MARK1: variants seen among roughly 807,000 people sequenced by gnomAD.
The protein encoded by MARK1 is microtubule affinity regulating kinase 1.
A neutral mutation model predicts 96.3 loss-of-function variants in MARK1; 40 were observed. That is an observed-to-expected ratio of 0.42 (90% confidence interval 0.32 to 0.54). The LOEUF (loss-of-function observed/expected upper bound fraction) is 0.54, where lower values mean the gene tolerates loss of function less well. MARK1 is among the 20% of genes least tolerant of loss of function. The pLI, the probability that MARK1 is intolerant of heterozygous loss-of-function variation, is 0.16. For missense variants in MARK1, 719 were observed against 984.6 expected (o/e 0.73, Z 3.61); for synonymous variants, 317 against 341.2 (o/e 0.93, Z 0.78).
chr1:220,557,768 A>G (rs1207427453), intron 1 of MARK1, among the ~76,000 whole-genome samples: 1 of 152,120 alleles, frequency 6.6e-6, no homozygotes, highest in African/African-American at 2.4e-5. Context: ...AAAACTGCCA[A>G]AAAAGAGCAA....
Position 220,544,617 on chromosome 1 carries a change from T to C in MARK1, c.51+15744T>C, listed in dbSNP as rs1460198019. Among the ~76,000 whole-genome samples, 3 of 152,212 alleles carry C rather than the reference T, an allele frequency of 2.0e-5. No homozygotes were observed. In the East Asian group the frequency reaches 5.8e-4, roughly 29 times the overall value. On this transcript the variant is annotated intron_variant, in intron 1 of 17. Coordinates refer to ENST00000366917, the MANE Select transcript of MARK1 (RefSeq NM_018650.5). Reference sequence around the variant, plus strand: ...TTACTCAGTCTGCCGTATTCTGTTATAGCAACGGAAAAGAGATTAAGACAG... The same window carrying C: ...TTACTCAGTCTGCCGTATTCTGTTACAGCAACGGAAAAGAGATTAAGACAG...
chr1:220,595,040 T>C (rs1362215060), intron 3 of MARK1, among the ~76,000 whole-genome samples: 2 of 152,210 alleles, frequency 1.3e-5, no homozygotes, highest in Non-Finnish European at 2.9e-5. Flanking sequence ...CCATCGATTA[T>C]AACAAATGTA....
intron 6 of MARK1, among the ~76,000 whole-genome samples, chr1:220,613,020 A>G (rs886316923): frequency 1.3e-5 from 2 of 152,194 alleles, no homozygotes; most frequent in African/African-American, 2.4e-5. Flanking sequence ...CTCCACCTCA[A>G]TGGAAAACAC....
chr1:220,528,469 A>G lies in MARK1; in HGVS notation c.-354A>G, dbSNP rs940385478. 6.9e-5 allele frequency: 21 copies of G among 303,970 alleles called. No homozygotes were observed. Among genetic ancestry groups the G allele is most frequent in the Non-Finnish European group, 7.9e-5 (13 of 164,950 alleles). The allele number at this position is 303,970 out of a possible 1,614,324, so 18.8% of individuals were successfully genotyped here. A position where few individuals can be genotyped will look rare whatever the true frequency, so the allele number is the denominator to read the frequency against. On this transcript the variant is annotated 5_prime_UTR_variant, in exon 1 of 18. It removes an upstream start codon present in the reference 5' UTR. Coordinates refer to ENST00000366917, the MANE Select transcript of MARK1 (RefSeq NM_018650.5). ...TGAGGCACCGGCTTCACCTTCACCC[A>G]TGGTCCGGAGAGCCTAGCGGGGCTC...
At position 220,657,906 on chromosome 1, in the gene MARK1, C is replaced by T; in HGVS notation, c.2033+72C>T. 1.8e-6 allele frequency: 2 copies of T among 1,125,440 alleles called. 1 individual carries two copies. The highest frequency in any genetic ancestry group is 4.1e-4 in the Middle Eastern group (2 of 4,852). The allele number at this position is 1,125,440 out of a possible 1,614,324, so 69.7% of individuals were successfully genotyped here. A position where few individuals can be genotyped will look rare whatever the true frequency, so the allele number is the denominator to read the frequency against. The stretch of plus-strand genomic sequence containing the variant: ...AAACGTACTTTTGAAATACTTACAG[C>T]ACTTAATGATCATGAATAGATCTAA... On this transcript the variant is annotated intron_variant, in intron 17 of 17. Coordinates refer to ENST00000366917, the MANE Select transcript of MARK1 (RefSeq NM_018650.5).
intron 1 of MARK1, among the ~76,000 whole-genome samples, chr1:220,535,607 T>C (rs2095669): frequency 0.59 from 89,764 of 151,876 alleles, 27,736 homozygotes; most frequent in Non-Finnish European, 0.68. Flanking sequence ...ATCATGAAGC[T>C]CTTCTCCTAT....
chr1:220,579,413 A>G lies in MARK1; in HGVS notation c.111A>G (p.Arg37=). ...TCCAGCCTACCAAGTCGAGTAGCAGACAGAACATCCCCCGGTGTAGAAACT... is the reference window on the plus strand; with the variant it reads ...TCCAGCCTACCAAGTCGAGTAGCAGGCAGAACATCCCCCGGTGTAGAAACT... ...PHIQPTKSSS[R]QNIPRCRNSI... The change falls in exon 2 of 18, where the codon AGA becomes AGG. Residue 37 remains arginine, a synonymous_variant. Transcript: ENST00000366917. 6.2e-7 allele frequency: 1 copy of G among 1,614,132 alleles called. No homozygotes were observed. Among genetic ancestry groups the G allele is most frequent in the Middle Eastern group, 1.6e-4 (1 of 6,062 alleles).
At chr1:220,588,549 C>T (rs1048167581) in intron 3 of MARK1, among the ~76,000 whole-genome samples, 4 of 152,084 alleles carry the variant, frequency 2.6e-5, no homozygotes, top group African/African-American at 4.8e-5. Context: ...TTCTGTGCTA[C>T]GATTTCATAG....
At chr1:220,537,840 A>G (rs1660827217) in intron 1 of MARK1, among the ~76,000 whole-genome samples, 1 of 152,104 alleles carries the variant, frequency 6.6e-6, no homozygotes, top group Non-Finnish European at 1.5e-5. Context: ...ATGGTCAGTG[A>G]TGATGAGCAT....
intron 11 of MARK1, among the ~76,000 whole-genome samples, chr1:220,632,784 G>A (rs2103008844): frequency 6.6e-6 from 1 of 152,306 alleles, no homozygotes; most frequent in African/African-American, 2.4e-5. Context: ...GCTTTCAATT[G>A]GGAATTCTCA....
chr1:220,637,508 T>C (rs1044954485), intron 13 of MARK1, among the ~76,000 whole-genome samples: 3 of 151,952 alleles, frequency 2.0e-5, no homozygotes, highest in Admixed American at 1.3e-4. Flanking sequence ...GATAAAACCC[T>C]GTCTCTACTA....
At chr1:220,573,836 G>C (rs189075782) in intron 1 of MARK1, among the ~76,000 whole-genome samples, 9 of 151,640 alleles carry the variant, frequency 5.9e-5, no homozygotes, top group Admixed American at 1.3e-4. Flanking sequence ...TATATATGTA[G>C]TATATATTGT....
At chr1:220,643,944 T>A (rs1668430809) in intron 13 of MARK1, among the ~76,000 whole-genome samples, 1 of 152,160 alleles carries the variant, frequency 6.6e-6, no homozygotes. Context: ...GGAAAATTTG[T>A]TACCAGCCAT....
chr1:220,652,216 A>T, intron 15 of MARK1, 66 bp downstream of exon 15: 1 of 1,310,332 alleles, frequency 7.6e-7, no homozygotes, highest in African/African-American at 1.4e-5. Context: ...CCATGTGAAA[A>T]TACATGATAG....
At chr1:220,607,549 T>C (rs1185611979) in intron 6 of MARK1, among the ~76,000 whole-genome samples, 1 of 150,334 alleles carries the variant, frequency 6.7e-6, no homozygotes, top group East Asian at 1.9e-4. Flanking sequence ...GGCCAGAACT[T>C]CCAACACTAT....
intron 1 of MARK1, among the ~76,000 whole-genome samples, chr1:220,570,212 T>G (rs1383819095): frequency 6.6e-6 from 1 of 152,006 alleles, no homozygotes; most frequent in Non-Finnish European, 1.5e-5. Flanking sequence ...CAATATGATG[T>G]GTGGTGTTTC....
At chr1:220,561,858 T>C (rs1039655146) in intron 1 of MARK1, among the ~76,000 whole-genome samples, 2 of 152,176 alleles carry the variant, frequency 1.3e-5, no homozygotes, top group African/African-American at 2.4e-5. Context: ...TTCATGGACT[T>C]AGAAAATTAA....
chr1:220,573,687 C>G (rs1663634530), intron 1 of MARK1, among the ~76,000 whole-genome samples: 1 of 152,060 alleles, frequency 6.6e-6, no homozygotes, highest in African/African-American at 2.4e-5. Flanking sequence ...TTTTATTAAT[C>G]TGTCTTCAAG....
At chr1:220,622,713 A>G (rs565325285) in intron 9 of MARK1, among the ~76,000 whole-genome samples, 83 of 152,266 alleles carry the variant, frequency 5.5e-4, no homozygotes, top group African/African-American at 1.8e-3. Context: ...CCTGGGCAAC[A>G]TGGAAAAACC....
Sources: gnomAD v4.1 joint callset for allele counts (sites outside exome capture counted in the v4.1 genomes callset) on GRCh38, gnomAD v4.1.1 for gene constraint, MANE v1.5 for transcripts, NCBI Gene and HGNC (gene_info 2026-07-23, HGNC 2026-07-21) for gene names.